Variants in LRBA observed in about 807,000 individuals in gnomAD.
LRBA encodes LPS responsive beige-like anchor protein, also known as lipopolysaccharide-responsive and beige-like anchor protein.
Under a neutral mutation model 330.0 loss-of-function variants are expected in LRBA, and 176 were observed. The observed-to-expected ratio is 0.53, with a 90% confidence interval of 0.47 to 0.60. The LOEUF (loss-of-function observed/expected upper bound fraction) is 0.60. LRBA is among the 20% of genes least tolerant of loss of function. LRBA has a pLI of 0.00. For missense variants in LRBA, 3,259 were observed against 3,444.8 expected, an observed-to-expected ratio of 0.95 and a Z score of 1.35; for synonymous variants, 1,230 against 1,193.0, an observed-to-expected ratio of 1.03 and a Z score of -0.64.
rs932252469 is a variant in LRBA, at chr4:150,854,152, C to G, written c.2767-1209G>C. On this transcript the variant is annotated intron_variant, in intron 22 of 56. Coordinates refer to ENST00000651943, the MANE Select transcript of LRBA (RefSeq NM_001364905.1). ...CATGACATATACAGAACATTCATGCCATGTGATATACCTAAAAATAAAAAT... is the reference window on the plus strand; with the variant it reads ...CATGACATATACAGAACATTCATGCGATGTGATATACCTAAAAATAAAAAT... 7.9e-5 allele frequency among the ~76,000 whole-genome samples: 12 copies of G among 152,042 alleles called. 1 individual carries two copies. Among genetic ancestry groups the G allele is most frequent in the Admixed American group, 7.9e-4 (12 of 15,258 alleles).
chr4:150,364,894 T>C (rs1404311429), intron 47 of LRBA, among the ~76,000 whole-genome samples: 1 of 151,970 alleles, frequency 6.6e-6, no homozygotes, highest in Non-Finnish European at 1.5e-5. Flanking sequence ...TTTTCATTAA[T>C]GTAACCATAT....
intron 2 of LRBA, among the ~76,000 whole-genome samples, chr4:150,977,580 GC>G (rs1181782625): frequency 2.0e-5 from 3 of 152,098 alleles, no homozygotes; most frequent in Non-Finnish European, 4.4e-5. Context: ...GTGGTGTAAA[GC>G]ACCAAAAGGG....
At chr4:150,745,635 C>A (rs185325344) in intron 35 of LRBA, among the ~76,000 whole-genome samples, 60 of 152,244 alleles carry the variant, frequency 3.9e-4, no homozygotes, top group Admixed American at 9.8e-4. Context: ...CCTGCCTCAG[C>A]CTCCTGAGTA....
intron 29 of LRBA, among the ~76,000 whole-genome samples, chr4:150,830,134 T>A (rs1746948240): frequency 6.6e-6 from 1 of 152,218 alleles, no homozygotes; most frequent in Admixed American, 6.5e-5. Context: ...AGGGTTGTTT[T>A]AATAATCCTA....
At chr4:150,706,596 T>C (rs1172673023) in intron 36 of LRBA, among the ~76,000 whole-genome samples, 1 of 147,820 alleles carries the variant, frequency 6.8e-6, no homozygotes, top group Non-Finnish European at 1.5e-5. Flanking sequence ...TCCACACATT[T>C]AACAAAAAAA....
rs1438925420 is a variant in LRBA, at chr4:150,582,725, A to G, written c.6330+5323T>C. On this transcript the variant is annotated intron_variant, in intron 40 of 56. Transcript: ENST00000651943. ...CACGCCCACCCCGCTTCTCTCGCACACGGTCATCTTTACATATCAAGAGAA... is the reference window on the plus strand; with the variant it reads ...CACGCCCACCCCGCTTCTCTCGCACGCGGTCATCTTTACATATCAAGAGAA... 1.1e-5 allele frequency: 3 copies of G among 283,718 alleles called. No individual in the cohort carries two copies. The East Asian group carries it at 1.8e-4, about 17-fold the overall frequency. The allele number at this position is 283,718 out of a possible 1,614,324, so 17.6% of individuals were successfully genotyped here.
At chr4:150,919,668 G>A (rs1209149587) in intron 5 of LRBA, among the ~76,000 whole-genome samples, 1 of 152,104 alleles carries the variant, frequency 6.6e-6, no homozygotes, top group African/African-American at 2.4e-5. Flanking sequence ...CATATATTCA[G>A]TGCGTACACA....
chr4:150,918,423 T>G (rs185223280), intron 5 of LRBA, among the ~76,000 whole-genome samples: 1 of 152,152 alleles, frequency 6.6e-6, no homozygotes, highest in East Asian at 1.9e-4. Flanking sequence ...TATCACTTCA[T>G]ACCAACTAGG....
At chr4:150,848,442 G>C (rs1303467499) in intron 26 of LRBA, among the ~76,000 whole-genome samples, 1 of 151,672 alleles carries the variant, frequency 6.6e-6, no homozygotes, top group Non-Finnish European at 1.5e-5. Flanking sequence ...AGCAAAAAGA[G>C]ATAGGGGAGC....
intron 44 of LRBA, among the ~76,000 whole-genome samples, chr4:150,463,761 T>C (rs550962731): frequency 6.6e-6 from 1 of 152,106 alleles, no homozygotes; most frequent in Non-Finnish European, 1.5e-5. Flanking sequence ...AGCTGGCCAC[T>C]AATCTACAAT....
intron 47 of LRBA, among the ~76,000 whole-genome samples, chr4:150,400,925 T>C (rs1222999311): frequency 6.6e-6 from 1 of 152,196 alleles, no homozygotes; most frequent in African/African-American, 2.4e-5. Flanking sequence ...CTGTGTCCCC[T>C]CCAACACAAC....
intron 37 of LRBA, among the ~76,000 whole-genome samples, chr4:150,660,576 A>G (rs1243831485): frequency 3.7e-3 from 549 of 147,606 alleles, no homozygotes; most frequent in Middle Eastern, 6.9e-3. Flanking sequence ...TGTGCCCAAC[A>G]GCTCATTGAG....
chr4:150,787,072 A>C (rs1176392749), intron 34 of LRBA, among the ~76,000 whole-genome samples: 4 of 152,136 alleles, frequency 2.6e-5, no homozygotes, highest in Non-Finnish European at 5.9e-5. Context: ...TCTTTACAAA[A>C]ATAAAAAAAA....
intron 2 of LRBA, among the ~76,000 whole-genome samples, chr4:150,954,081 C>G (rs1318070705): frequency 6.6e-6 from 1 of 151,142 alleles, no homozygotes; most frequent in Non-Finnish European, 1.5e-5. Flanking sequence ...AGCCCCTCCA[C>G]CCAGCAGCCG....
At chr4:150,566,064 C>CAA (rs5862926) in intron 40 of LRBA, among the ~76,000 whole-genome samples, 50,249 of 136,138 alleles carry the variant, frequency 0.37, 11,114 homozygotes, top group Middle Eastern at 0.49. Flanking sequence ...CCTGTCTCTA[C>CAA]AAAAAAAAAA....
chr4:150,423,563 C>T (rs996972886), intron 46 of LRBA: 4 of 381,300 alleles, frequency 1.0e-5, no homozygotes, highest in Admixed American at 3.2e-5. Flanking sequence ...CTTACTGTTG[C>T]TCCCTGTCTT....
intron 2 of LRBA, among the ~76,000 whole-genome samples, chr4:151,003,043 TGC>T (rs1743566048): frequency 1.6e-5 from 1 of 62,010 alleles, no homozygotes; most frequent in South Asian, 3.6e-4. Flanking sequence ...TGTATGTGTT[TGC>T]GTGTGTGTGT....
At chr4:150,587,345 T>G (rs1772239493) in intron 40 of LRBA, among the ~76,000 whole-genome samples, 1 of 152,154 alleles carries the variant, frequency 6.6e-6, no homozygotes, top group African/African-American at 2.4e-5. Flanking sequence ...TTCTACAGAT[T>G]GCTTATTTTG....
Position 150,347,289 on chromosome 4 carries a change from G to T in LRBA, c.7362+2703C>A, listed in dbSNP as rs77525160. Among the ~76,000 whole-genome samples, 668 of 152,262 alleles carry T rather than the reference G, an allele frequency of 4.4e-3. 4 individuals are homozygous for T. The highest frequency in any genetic ancestry group is 0.015 in the African/African-American group (603 of 41,548). On this transcript the variant is annotated intron_variant, in intron 48 of 56. Coordinates refer to ENST00000651943, the MANE Select transcript of LRBA (RefSeq NM_001364905.1). ...GGAAGATGAAACATTTCTAGAGATG[G>T]ATGGTGGTGATGGCTGTACAAGAAT...
Sources: allele counts gnomAD v4.1 joint callset (sites outside exome capture counted in the v4.1 genomes callset), GRCh38; gene constraint gnomAD v4.1.1; transcripts MANE v1.5; gene names NCBI Gene and HGNC (gene_info 2026-07-23, HGNC 2026-07-21).